The following RARB variants were observed in gnomAD, a reference collection of about 807,000 sequenced individuals.
The protein encoded by RARB is HBV-activated protein.
A neutral mutation model predicts 51.9 loss-of-function variants in RARB; 17 were observed. The ratio of observed to expected loss-of-function variants is 0.33; its 90% CI spans 0.22 to 0.49. RARB has a LOEUF of 0.49. Among genes scored for constraint, RARB ranks in the 20% least tolerant of loss-of-function variants. RARB has a pLI of 0.99. For synonymous variants in RARB, 215 were observed against 195.4 expected, an observed-to-expected ratio of 1.10 and a Z score of -0.84; for missense variants, 369 against 550.8, an observed-to-expected ratio of 0.67 and a Z score of 3.30.
intron 2 of RARB, among the ~76,000 whole-genome samples, chr3:24,999,104 C>T (rs62228471): frequency 0.19 from 28,354 of 152,078 alleles, 3,355 homozygotes; most frequent in East Asian, 0.41. Context: ...CATTAAGCTT[C>T]TTCAGGCTTT....
chr3:25,202,086 C>A (rs1479789593), intron 5 of RARB, among the ~76,000 whole-genome samples: 1 of 152,150 alleles, frequency 6.6e-6, no homozygotes, highest in African/African-American at 2.4e-5. Flanking sequence ...GGTTGGTAAG[C>A]TATTAATTAT....
chr3:24,912,383 TG>T (rs1353974269), intron 2 of RARB, among the ~76,000 whole-genome samples: 1 of 152,182 alleles, frequency 6.6e-6, no homozygotes, highest in East Asian at 1.9e-4. Context: ...AAATAATACA[TG>T]TAATATACTT....
chr3:24,984,549 C>G (rs1046133899), intron 2 of RARB, among the ~76,000 whole-genome samples: 9 of 151,872 alleles, frequency 5.9e-5, no homozygotes, highest in Admixed American at 2.0e-4. Flanking sequence ...TCTAAAAAAC[C>G]GAATACACAG....
In RARB at chr3:25,569,783, A is replaced by G; in HGVS notation, c.474A>G (p.Lys158=). The part of the protein sequence containing the change: ...KESVRNDRNK[K]KKETSKQECT... ...CTGTCAGGAATGACAGGAACAAGAAAAAGAAGGAGACTTCGAAGCAAGAAT... is the reference window on the plus strand; with the variant it reads ...CTGTCAGGAATGACAGGAACAAGAAGAAGAAGGAGACTTCGAAGCAAGAAT... The change falls in exon 4 of 8, where the codon AAA becomes AAG. Residue 158 remains lysine (K), a synonymous_variant. Coordinates refer to ENST00000330688, the MANE Select transcript of RARB (RefSeq NM_000965.5). The G allele has an allele frequency of 6.2e-7, 1 of 1,614,142 alleles. No homozygotes were observed. The highest frequency in any genetic ancestry group is 8.5e-7 in the Non-Finnish European group (1 of 1,180,006).
At chr3:25,286,904 C>A (rs1012736972) in intron 5 of RARB, among the ~76,000 whole-genome samples, 1 of 152,164 alleles carries the variant, frequency 6.6e-6, no homozygotes, top group South Asian at 2.1e-4. Context: ...TTCAAGATAT[C>A]TATTTTACAA....
chr3:24,888,629 G>A lies in RARB; in HGVS notation c.-380+29877G>A, dbSNP rs1263850126. Among the ~76,000 whole-genome samples the A allele has an allele frequency of 2.6e-5, 4 of 152,054 alleles. No homozygotes were observed. The South Asian group carries it at 6.2e-4, about 24-fold the overall frequency. On this transcript the variant is annotated intron_variant, in intron 2 of 11. Transcript: ENST00000383772. ...ACAGTAAAAAATTTAACTGTATAAT[G>A]TTGTTTTTGGGAATTGTGATGTCCC... is the stretch of plus-strand genomic sequence containing the variant.
chr3:25,420,991 C>CAAAAA, intron 5 of RARB, among the ~76,000 whole-genome samples: 1 of 126,282 alleles, frequency 7.9e-6, no homozygotes, highest in African/African-American at 2.8e-5. Context: ...CCACTTATGC[C>CAAAAA]AAAAAAAAAA....
At chr3:25,381,531 C>T (rs916588992) in intron 5 of RARB, among the ~76,000 whole-genome samples, 3 of 152,134 alleles carry the variant, frequency 2.0e-5, no homozygotes, top group Non-Finnish European at 2.9e-5. Context: ...TAGAACAGTG[C>T]CTAGAACACA....
intron 1 of RARB, among the ~76,000 whole-genome samples, chr3:25,430,109 T>C (rs139125385): frequency 2.5e-3 from 378 of 152,234 alleles, no homozygotes; most frequent in Non-Finnish European, 4.2e-3. Flanking sequence ...AATCAACAGG[T>C]TTGTAGCTGA....
At chr3:25,085,286 A>C (rs1403096578) in intron 3 of RARB, among the ~76,000 whole-genome samples, 1 of 152,202 alleles carries the variant, frequency 6.6e-6, no homozygotes, top group East Asian at 1.9e-4. Context: ...CACATCCTAC[A>C]TTGAAGCATG....
At position 25,597,468 on chromosome 3, in the gene RARB, G is replaced by C. The variant is rs1216995970; in HGVS notation, c.*852G>C. The C allele has an allele frequency of 6.6e-6, 1 of 152,422 alleles. No individual in the cohort carries two copies. The highest frequency in any genetic ancestry group is 6.5e-5 in the Admixed American group (1 of 15,274). The allele number at this position is 152,422 out of a possible 1,614,324, so 9.4% of individuals were successfully genotyped here. A position where few individuals can be genotyped will look rare whatever the true frequency, so the allele number is the denominator to read the frequency against. ...GCCTCCAAGGCAGAAACACTTTTCAGTGTTAAGTTTTTGTTTACTTGTTCA... is the reference window on the plus strand; with the variant it reads ...GCCTCCAAGGCAGAAACACTTTTCACTGTTAAGTTTTTGTTTACTTGTTCA... On this transcript the variant is annotated 3_prime_UTR_variant, in exon 8 of 8. Coordinates refer to ENST00000330688, the MANE Select transcript of RARB (RefSeq NM_000965.5).
At position 25,294,579 on chromosome 3, in the gene RARB, T is replaced by G. The variant is rs966735957; in HGVS notation, c.178+120004T>G. ...AGGCTGAAGGGACTACAGGAAGAGATGGTGCTGTTGGAGGTTAAGATCTGG... is the reference window on the plus strand; with the variant it reads ...AGGCTGAAGGGACTACAGGAAGAGAGGGTGCTGTTGGAGGTTAAGATCTGG... On this transcript the variant is annotated intron_variant, in intron 5 of 11. Transcript: ENST00000383772. Among the ~76,000 whole-genome samples, 3 of 152,032 alleles carry G rather than the reference T, an allele frequency of 2.0e-5. No homozygotes were observed. The East Asian group carries it at 5.8e-4, about 29-fold the overall frequency.
intron 5 of RARB, among the ~76,000 whole-genome samples, chr3:25,337,331 T>C (rs1240945127): frequency 6.6e-6 from 1 of 152,192 alleles, no homozygotes; most frequent in African/African-American, 2.4e-5. Context: ...CAATTCAGAA[T>C]CCTAATCACA....
intron 4 of RARB, among the ~76,000 whole-genome samples, chr3:25,145,870 G>A (rs1474849065): frequency 6.6e-6 from 1 of 151,828 alleles, no homozygotes; most frequent in African/African-American, 2.4e-5. Context: ...GGCATGGTAG[G>A]GGGTGCCTAT....
intron 4 of RARB, among the ~76,000 whole-genome samples, chr3:25,163,507 AT>A (rs1559488358): frequency 1.8e-3 from 26 of 14,284 alleles, no homozygotes; most frequent in South Asian, 1.9e-3. Flanking sequence ...ATCTCAAAAT[AT>A]ATATATATAT....
intron 3 of RARB, among the ~76,000 whole-genome samples, chr3:25,515,481 C>T (rs1035238208): frequency 2.0e-5 from 3 of 152,110 alleles, no homozygotes; most frequent in African/African-American, 4.8e-5. Context: ...ATGTTCACAG[C>T]AGATTTATTG....
At chr3:25,477,350 T>C (rs189892836) in intron 2 of RARB, among the ~76,000 whole-genome samples, 171 of 152,306 alleles carry the variant, frequency 1.1e-3, no homozygotes, top group Middle Eastern at 6.8e-3. Flanking sequence ...GTATGCCACC[T>C]GATGAGATGG....
intron 2 of RARB, among the ~76,000 whole-genome samples, chr3:24,879,290 G>A (rs1052596363): frequency 5.7e-4 from 86 of 152,010 alleles, no homozygotes; most frequent in African/African-American, 1.9e-3. Flanking sequence ...TTAGCCGGGC[G>A]TGGTGGCGGG....
chr3:25,413,272 TG>T (rs1707614651), intron 5 of RARB, among the ~76,000 whole-genome samples: 1 of 93,188 alleles, frequency 1.1e-5, no homozygotes, highest in Non-Finnish European at 2.3e-5. Flanking sequence ...ACATTATTTT[TG>T]TAACATTCAT....
Sources: gnomAD v4.1 joint callset for allele counts (sites outside exome capture counted in the v4.1 genomes callset) on GRCh38, gnomAD v4.1.1 for gene constraint, MANE v1.5 for transcripts, NCBI Gene and HGNC (gene_info 2026-07-23, HGNC 2026-07-21) for gene names.